Variants in PTPRD observed in about 807,000 individuals in gnomAD.
PTPRD encodes protein tyrosine phosphatase receptor type D, also known as receptor-type tyrosine-protein phosphatase delta.
PTPRD carries 34 observed loss-of-function variants against 214.5 expected under a neutral mutation model. The observed-to-expected ratio is 0.16, with a 90% CI of 0.12 to 0.21. The LOEUF (loss-of-function observed/expected upper bound fraction) is 0.21. PTPRD is among the 10% of genes least tolerant of loss of function. The pLI is 1.00. For synonymous variants in PTPRD, 1,128 were observed against 845.7 expected (o/e 1.33, Z -5.79); for missense variants, 2,545 against 2,398.7 (o/e 1.06, Z -1.27).
At chr9:8,798,157 C>T (rs1015956421) in intron 11 of PTPRD, among the ~76,000 whole-genome samples, 3 of 152,066 alleles carry the variant, frequency 2.0e-5, no homozygotes, top group Non-Finnish European at 4.4e-5. Context: ...AAGTATACAT[C>T]TATGGATCAA....
intron 5 of PTPRD, among the ~76,000 whole-genome samples, chr9:9,889,078 T>A (rs776948626): frequency 6.6e-6 from 1 of 152,056 alleles, no homozygotes; most frequent in Non-Finnish European, 1.5e-5. Context: ...TGATCTTATA[T>A]AAGTAGAGAG....
intron 5 of PTPRD, among the ~76,000 whole-genome samples, chr9:9,773,289 AG>A (rs2098768405): frequency 6.6e-6 from 1 of 152,152 alleles, no homozygotes; most frequent in African/African-American, 2.4e-5. Flanking sequence ...ATGCCTTACA[AG>A]GGTTTTTCAG....
Position 9,614,714 on chromosome 9 carries a change from G to A in PTPRD, c.-286-39933C>T, listed in dbSNP as rs369230687. On this transcript the variant is annotated intron_variant, in intron 7 of 45. Transcript: ENST00000381196. ...TGATAGATATTCATATTTAAATTAT[G>A]AACTAAAGTAACCTTATACCTATAT... Among the ~76,000 whole-genome samples the A allele has an allele frequency of 3.9e-4, 60 of 152,206 alleles. No individual in the cohort carries two copies. In the South Asian group the frequency reaches 0.012, roughly 32 times the overall value.
At chr9:10,503,581 A>C (rs187981456) in intron 2 of PTPRD, among the ~76,000 whole-genome samples, 8 of 152,094 alleles carry the variant, frequency 5.3e-5, no homozygotes, top group African/African-American at 1.9e-4. Flanking sequence ...TTTACTTAAC[A>C]AACATTTTTG....
rs34497562 is a variant in PTPRD at position 9,769,317 on chromosome 9, C to CTTTTT, written c.-367-2471_-367-2467dup. On this transcript the variant is annotated intron_variant, in intron 5 of 45. Coordinates refer to ENST00000381196, the MANE Select transcript of PTPRD (RefSeq NM_002839.4). ...GTAAACTATGTTTTAACCAGAAGCCCTTTTTTTTTTTTTTTTTTTTTTTTT... is the reference window on the plus strand; with the variant it reads ...GTAAACTATGTTTTAACCAGAAGCCCTTTTTTTTTTTTTTTTTTTTTTTTTTTTTT... Among the ~76,000 whole-genome samples, 98 of 69,606 alleles carry CTTTTT rather than the reference C, an allele frequency of 1.4e-3. 14 individuals carry two copies. Among genetic ancestry groups the CTTTTT allele is most frequent in the South Asian group, 2.9e-3 (4 of 1,376 alleles). The allele number at this position is 69,606 out of a possible 152,430, so 45.7% of individuals were successfully genotyped here. A position where few individuals can be genotyped will look rare whatever the true frequency, so the allele number is the denominator to read the frequency against.
intron 11 of PTPRD, among the ~76,000 whole-genome samples, chr9:8,874,841 T>C (rs2098364468): frequency 6.6e-6 from 1 of 152,320 alleles, no homozygotes; most frequent in African/African-American, 2.4e-5. Flanking sequence ...CTAGGAAATG[T>C]TTGATAAATG....
chr9:9,037,365 A>C (rs1374266337), intron 10 of PTPRD, among the ~76,000 whole-genome samples: 12 of 152,148 alleles, frequency 7.9e-5, no homozygotes, highest in Non-Finnish European at 1.8e-4. Context: ...GAATGAACAA[A>C]GGATATAGAG....
At chr9:8,385,879 A>G (rs1034857190) in intron 37 of PTPRD, among the ~76,000 whole-genome samples, 1 of 152,190 alleles carries the variant, frequency 6.6e-6, no homozygotes, top group African/African-American at 2.4e-5. Context: ...TGGGTGTGCC[A>G]CACTGGGAAA....
chr9:10,085,382 A>C (rs140799391), intron 3 of PTPRD, among the ~76,000 whole-genome samples: 233 of 151,988 alleles, frequency 1.5e-3, no homozygotes, highest in African/African-American at 5.2e-3. Context: ...AAATTTATTT[A>C]TAACTGCTGG....
At chr9:10,231,536 G>T (rs2099609791) in intron 3 of PTPRD, among the ~76,000 whole-genome samples, 1 of 151,922 alleles carries the variant, frequency 6.6e-6, no homozygotes, top group Non-Finnish European at 1.5e-5. Context: ...TTGGGATGGG[G>T]GTGGAGATGG....
Position 9,362,834 on chromosome 9 carries a change from T to C in PTPRD, c.-203+34615A>G, listed in dbSNP as rs907099300. ...TGAAAGTGATAGCATAAATCAGCTATACATTTCTATGGAGAATTCACTTTT... is the reference window on the plus strand; with the variant it reads ...TGAAAGTGATAGCATAAATCAGCTACACATTTCTATGGAGAATTCACTTTT... On this transcript the variant is annotated intron_variant, in intron 9 of 45. Transcript: ENST00000381196. 4.6e-5 allele frequency among the ~76,000 whole-genome samples: 7 copies of C among 151,358 alleles called. 1 individual carries two copies. Among genetic ancestry groups the C allele is most frequent in the South Asian group, 2.1e-4 (1 of 4,828 alleles).
At chr9:8,581,008 T>A (rs1001944950) in intron 14 of PTPRD, among the ~76,000 whole-genome samples, 1 of 152,200 alleles carries the variant, frequency 6.6e-6, no homozygotes, top group Non-Finnish European at 1.5e-5. Context: ...AGAACTTGTA[T>A]ATATTCATAT....
intron 33 of PTPRD, among the ~76,000 whole-genome samples, chr9:8,452,072 A>C (rs1164254939): frequency 6.6e-6 from 1 of 152,234 alleles, no homozygotes; most frequent in Non-Finnish European, 1.5e-5. Context: ...AACTCAAGAC[A>C]TGGGACTAAA....
chr9:9,517,589 A>G (rs1208415288), intron 8 of PTPRD, among the ~76,000 whole-genome samples: 1 of 152,058 alleles, frequency 6.6e-6, no homozygotes, highest in Non-Finnish European at 1.5e-5. Flanking sequence ...AGTATTAGAA[A>G]CACTGGCATG....
intron 3 of PTPRD, among the ~76,000 whole-genome samples, chr9:10,143,134 G>T (rs995340650): frequency 4.6e-5 from 7 of 152,056 alleles, no homozygotes; most frequent in African/African-American, 1.4e-4. Context: ...TGAGGTGGGG[G>T]GAGGGGAGAG....
chr9:8,472,645 T>C (rs955707816), intron 30 of PTPRD, among the ~76,000 whole-genome samples: 2 of 152,280 alleles, frequency 1.3e-5, no homozygotes, highest in Admixed American at 6.5e-5. Context: ...GAGTGTGAAA[T>C]ATCTCAGTAA....
intron 9 of PTPRD, among the ~76,000 whole-genome samples, chr9:9,204,660 T>A (rs755994006): frequency 2.9e-4 from 44 of 152,198 alleles, no homozygotes; most frequent in Admixed American, 1.3e-4. Flanking sequence ...GTCAATTCAA[T>A]GATGGTTTTA....
intron 36 of PTPRD, among the ~76,000 whole-genome samples, chr9:8,392,073 T>C (rs1379778591): frequency 6.6e-6 from 1 of 152,046 alleles, no homozygotes; most frequent in East Asian, 1.9e-4. Flanking sequence ...ATCAATACTA[T>C]CACTAAATGC....
intron 5 of PTPRD, among the ~76,000 whole-genome samples, chr9:9,859,167 G>A (rs2062158554): frequency 1.3e-5 from 2 of 152,172 alleles, no homozygotes; most frequent in South Asian, 2.1e-4. Context: ...GAAGGTACCT[G>A]CTTCCCCTTT....
Sources: gnomAD v4.1 joint callset for allele counts (sites outside exome capture counted in the v4.1 genomes callset) on GRCh38, gnomAD v4.1.1 for gene constraint, MANE v1.5 for transcripts, NCBI Gene and HGNC (gene_info 2026-07-23, HGNC 2026-07-21) for gene names.